GPC3: variants seen among roughly 807,000 people sequenced by gnomAD.
GPC3 encodes the protein glypican 3, also known as glypican-3.
In GPC3, 3 loss-of-function variants were observed where a neutral mutation model predicts 34.4. That is an observed-to-expected ratio of 0.09 (90% CI 0.04 to 0.23). GPC3 has a LOEUF of 0.23. GPC3 is among the 10% of genes least tolerant of loss of function. The pLI is 1.00. For missense variants in GPC3, 351 were observed against 445.6 expected (o/e 0.79, Z 1.91); for synonymous variants, 177 against 174.0 (o/e 1.02, Z -0.13).
At chrX:133,729,132 A>C (rs1413464131) in intron 3 of GPC3, among the ~76,000 whole-genome samples, 1 of 110,968 alleles carries the variant, frequency 9.0e-6, no homozygotes, top group Non-Finnish European at 1.9e-5. Context: ...TCTTGCTGCC[A>C]GAGCCATCTT....
chrX:133,760,240 C>A (rs2071773789), intron 2 of GPC3, among the ~76,000 whole-genome samples: 1 of 111,852 alleles, frequency 8.9e-6, no homozygotes, highest in Non-Finnish European at 1.9e-5. Context: ...CAGTTTCTTA[C>A]AAAAGTAAAC....
chrX:133,825,272 A>T (rs754198700), intron 2 of GPC3, among the ~76,000 whole-genome samples: 1 of 112,216 alleles, frequency 8.9e-6, no homozygotes, highest in South Asian at 3.7e-4. Flanking sequence ...TGAAATTTTA[A>T]CTTGCTCTAG....
rs2070259163 is a variant in GPC3, at chrX:133,623,628, A to C, written c.1414-27029T>G. Among the ~76,000 whole-genome samples, 4 of 112,096 alleles carry C rather than the reference A, an allele frequency of 3.6e-5. No individual in the cohort carries two copies. In the Admixed American group the frequency reaches 3.8e-4, roughly 11 times the overall value. On this transcript the variant is annotated intron_variant, in intron 6 of 7. Coordinates refer to ENST00000370818, the MANE Select transcript of GPC3 (RefSeq NM_004484.4). ...AGCTAACTATCCTAAATATATATGCACTCAATACAGGAGCACCTAGATTCA... is the reference window on the plus strand; with the variant it reads ...AGCTAACTATCCTAAATATATATGCCCTCAATACAGGAGCACCTAGATTCA...
intron 2 of GPC3, among the ~76,000 whole-genome samples, chrX:133,863,152 GC>G (rs2075946205): frequency 8.9e-6 from 1 of 112,516 alleles, no homozygotes; most frequent in African/African-American, 3.2e-5. Context: ...GAAAATGACA[GC>G]TAGTCAATTA....
At chrX:133,577,810 A>G (rs1027475292) in intron 7 of GPC3, among the ~76,000 whole-genome samples, 3 of 111,698 alleles carry the variant, frequency 2.7e-5, no homozygotes, top group Non-Finnish European at 5.6e-5. Context: ...TTTCCAAAAC[A>G]TTAAAGATGA....
chrX:133,716,300 G>GA (rs979059488), intron 3 of GPC3, among the ~76,000 whole-genome samples: 7 of 111,322 alleles, frequency 6.3e-5, no homozygotes, highest in African/African-American at 9.8e-5. Context: ...CCATCCACAG[G>GA]AAAAAAATCA....
intron 7 of GPC3, among the ~76,000 whole-genome samples, chrX:133,563,526 A>T (rs1178424346): frequency 1.8e-5 from 2 of 112,475 alleles, no homozygotes; most frequent in African/African-American, 6.5e-5. Context: ...AAAATAAAAG[A>T]TTATAGATAA....
intron 1 of GPC3, among the ~76,000 whole-genome samples, chrX:133,961,254 C>A (rs932601669): frequency 9.0e-6 from 1 of 111,423 alleles, no homozygotes; most frequent in Non-Finnish European, 1.9e-5. Flanking sequence ...AAATCAAAGA[C>A]CGTGCCTGGG....
chrX:133,850,466 T>C (rs888357454), intron 2 of GPC3, among the ~76,000 whole-genome samples: 7 of 110,610 alleles, frequency 6.3e-5, no homozygotes, highest in African/African-American at 2.0e-4. Flanking sequence ...ATAGCTAATA[T>C]CACTACCAAA....
chrX:133,614,971 A>G (rs983800219), intron 6 of GPC3, among the ~76,000 whole-genome samples: 1 of 111,941 alleles, frequency 8.9e-6, no homozygotes, highest in African/African-American at 3.2e-5. Flanking sequence ...ATTCCTACAA[A>G]GACACAAACT....
At chrX:133,643,005 A>C (rs1316215192) in intron 6 of GPC3, among the ~76,000 whole-genome samples, 2 of 111,466 alleles carry the variant, frequency 1.8e-5, no homozygotes, top group Non-Finnish European at 3.8e-5. Context: ...TGGACTGGCC[A>C]AAAATAGAAA....
chrX:133,867,690 G>A (rs903690290), intron 2 of GPC3, among the ~76,000 whole-genome samples: 5 of 109,041 alleles, frequency 4.6e-5, no homozygotes, highest in Admixed American at 9.9e-5. Context: ...AGGCATTCCT[G>A]TTTTTGTGCC....
intron 2 of GPC3, among the ~76,000 whole-genome samples, chrX:133,792,651 T>G (rs995267361): frequency 9.0e-6 from 1 of 111,249 alleles, no homozygotes; most frequent in Non-Finnish European, 1.9e-5. Flanking sequence ...ACTGCTTCCA[T>G]CCAGTAGAGG....
At position 133,575,026 on chromosome X, in the gene GPC3, A is replaced by G. The variant is rs139224643; in HGVS notation, c.1573+21414T>C. Among the ~76,000 whole-genome samples the G allele has an allele frequency of 5.4e-3, 601 of 112,271 alleles. 6 individuals carry two copies. The highest frequency in any genetic ancestry group is 0.018 in the African/African-American group (564 of 30,942). ...GAAGCAGCAGAAAGGGAAGTGGTAG[A>G]GCAGAGGCTACTATTAATATTTCAT... On this transcript the variant is annotated intron_variant, in intron 7 of 7. Coordinates refer to ENST00000370818, the MANE Select transcript of GPC3 (RefSeq NM_004484.4).
chrX:133,941,540 G>C (rs1430022311), intron 2 of GPC3, among the ~76,000 whole-genome samples: 1 of 112,239 alleles, frequency 8.9e-6, no homozygotes, highest in African/African-American at 3.2e-5. Flanking sequence ...AAGAGCTCCA[G>C]CAGGTTGGCA....
chrX:133,933,171 G>A (rs1221737441), intron 2 of GPC3, among the ~76,000 whole-genome samples: 1 of 111,008 alleles, frequency 9.0e-6, no homozygotes, highest in African/African-American at 3.3e-5. Context: ...CACTGAGTAA[G>A]GGGGCAGAGA....
intron 2 of GPC3, among the ~76,000 whole-genome samples, chrX:133,838,199 T>C (rs2075808137): frequency 8.9e-6 from 1 of 112,862 alleles, no homozygotes; most frequent in African/African-American, 3.2e-5. Context: ...CCATTTTTCA[T>C]TTATGAATAT....
chrX:133,970,008 G>A (rs2076483624), intron 1 of GPC3, among the ~76,000 whole-genome samples: 1 of 112,608 alleles, frequency 8.9e-6, no homozygotes, highest in Non-Finnish European at 1.9e-5. Context: ...GAACTCAAGT[G>A]TCTAACTCCT....
At chrX:133,823,522 C>T (rs373245499) in intron 2 of GPC3, among the ~76,000 whole-genome samples, 5 of 111,252 alleles carry the variant, frequency 4.5e-5, no homozygotes, top group Admixed American at 1.9e-4. Context: ...TAGTCTATAA[C>T]GGCCTTGAGG....
Sources: allele counts gnomAD v4.1 joint callset (sites outside exome capture counted in the v4.1 genomes callset), GRCh38; gene constraint gnomAD v4.1.1; transcripts MANE v1.5; gene names NCBI Gene and HGNC (gene_info 2026-07-23, HGNC 2026-07-21).